Variants in SPOCK3 observed in about 807,000 individuals in gnomAD.
The protein encoded by SPOCK3 is testican-3.
A neutral mutation model predicts 56.6 loss-of-function variants in SPOCK3; 30 were observed. The ratio of observed to expected loss-of-function variants is 0.53; its 90% CI spans 0.40 to 0.72. The LOEUF is 0.72. SPOCK3 is among the 30% of genes least tolerant of loss of function. The pLI, the probability that SPOCK3 is intolerant of heterozygous loss-of-function variation, is 0.00. For synonymous variants in SPOCK3, 196 were observed against 183.3 expected (o/e 1.07, Z -0.56); for missense variants, 527 against 530.0 (o/e 0.99, Z 0.06).
At chr4:166,975,470 C>T (rs1228708884) in intron 4 of SPOCK3, among the ~76,000 whole-genome samples, 4 of 152,120 alleles carry the variant, frequency 2.6e-5, no homozygotes, top group Non-Finnish European at 5.9e-5. Context: ...AATAGGTTAT[C>T]CATCACTTCA....
chr4:167,002,882 A>G (rs972773107), intron 3 of SPOCK3, among the ~76,000 whole-genome samples: 2 of 152,200 alleles, frequency 1.3e-5, no homozygotes, highest in Non-Finnish European at 2.9e-5. Context: ...AAAATTCATT[A>G]AACAATTCTG....
chr4:166,831,771 T>TA (rs771665694), intron 6 of SPOCK3, among the ~76,000 whole-genome samples: 1 of 146,876 alleles, frequency 6.8e-6, no homozygotes, highest in African/African-American at 2.5e-5. Context: ...TTTTTTTTTT[T>TA]AAATTTCATT....
At chr4:166,931,335 GGT>G (rs954959547) in intron 4 of SPOCK3, among the ~76,000 whole-genome samples, 43 of 150,978 alleles carry the variant, frequency 2.8e-4, no homozygotes, top group Admixed American at 2.4e-3. Flanking sequence ...GTGTGTGGGG[GGT>G]GGGGGGGCAA....
At chr4:166,738,680 T>G (rs1281769933) in intron 9 of SPOCK3, among the ~76,000 whole-genome samples, 2 of 137,458 alleles carry the variant, frequency 1.5e-5, no homozygotes, top group African/African-American at 2.7e-5. Context: ...CCATGTGTTC[T>G]CATTGTTCAA....
chr4:166,881,043 T>C (rs1385675935), intron 6 of SPOCK3, among the ~76,000 whole-genome samples: 2 of 152,156 alleles, frequency 1.3e-5, no homozygotes, highest in Non-Finnish European at 2.9e-5. Context: ...CTAAATAATC[T>C]AATACTGAAA....
intron 2 of SPOCK3, among the ~76,000 whole-genome samples, chr4:167,215,079 A>G (rs2111057698): frequency 6.6e-6 from 1 of 152,126 alleles, no homozygotes; most frequent in Non-Finnish European, 1.5e-5. Flanking sequence ...AAATGCAAAA[A>G]TCAAAATTTA....
intron 4 of SPOCK3, among the ~76,000 whole-genome samples, chr4:166,929,150 C>CT (rs1368189124): frequency 1.2e-4 from 17 of 144,818 alleles, no homozygotes. Flanking sequence ...TTCAGTATTA[C>CT]TGTGAACCAA....
intron 4 of SPOCK3, among the ~76,000 whole-genome samples, chr4:166,995,753 C>T (rs2703843): frequency 0.86 from 130,651 of 151,998 alleles, 56,618 homozygotes; most frequent in East Asian, 0.95. Context: ...GTTTTGCATA[C>T]ATTAAGTGTG....
In SPOCK3 at chr4:167,199,225, T is replaced by TTGTGTG. The variant is rs58765976; in HGVS notation, c.189+34754_189+34759dup. Among the ~76,000 whole-genome samples the TTGTGTG allele has an allele frequency of 4.5e-3, 633 of 142,056 alleles. 4 individuals carry two copies. The highest frequency in any genetic ancestry group is 0.016 in the South Asian group (68 of 4,326). The allele number at this position is 142,056 out of a possible 152,430, so 93.2% of individuals were successfully genotyped here. Reference sequence around the variant, plus strand: ...GATCCTCAATATGCTAAATATTTGTTTGTGTGTGTGTGTGTGTGTGTGTGT... The same window carrying TTGTGTG: ...GATCCTCAATATGCTAAATATTTGTTTGTGTGTGTGTGTGTGTGTGTGTGTGTGTGT... On this transcript the variant is annotated intron_variant, in intron 2 of 10. Coordinates refer to ENST00000357545, the MANE Select transcript of SPOCK3 (RefSeq NM_001040159.2).
Position 166,743,650 on chromosome 4 carries a change from C to T in SPOCK3, c.932-1591G>A, listed in dbSNP as rs147058562. ...CCACAGAGTATGAGCCGAAGCAGGG[C>T]GGGACATCGCCTCACCTGGGAAGTG... On this transcript the variant is annotated intron_variant, in intron 8 of 10. Coordinates refer to ENST00000357545, the MANE Select transcript of SPOCK3 (RefSeq NM_001040159.2). Among the ~76,000 whole-genome samples the T allele has an allele frequency of 4.5e-3, 679 of 152,232 alleles. 4 individuals are homozygous for T. Among genetic ancestry groups the T allele is most frequent in the African/African-American group, 0.016 (644 of 41,548 alleles).
At chr4:167,190,691 A>G (rs978738661) in intron 2 of SPOCK3, among the ~76,000 whole-genome samples, 2 of 145,852 alleles carry the variant, frequency 1.4e-5, no homozygotes, top group African/African-American at 5.2e-5. Flanking sequence ...TTGCCAAAAC[A>G]AATGTCAAGG....
At chr4:166,935,017 G>C (rs1041049364) in intron 4 of SPOCK3, among the ~76,000 whole-genome samples, 3 of 152,160 alleles carry the variant, frequency 2.0e-5, no homozygotes, top group African/African-American at 7.2e-5. Flanking sequence ...AAGTCGGCTT[G>C]ACCTGTTAGA....
At chr4:167,210,291 C>T (rs1397746220) in intron 2 of SPOCK3, among the ~76,000 whole-genome samples, 2 of 152,112 alleles carry the variant, frequency 1.3e-5, no homozygotes, top group Non-Finnish European at 2.9e-5. Context: ...CATCAAAACA[C>T]AGATTGAGTG....
intron 7 of SPOCK3, among the ~76,000 whole-genome samples, chr4:166,787,033 T>G (rs1340169682): frequency 6.6e-6 from 1 of 152,194 alleles, no homozygotes; most frequent in African/African-American, 2.4e-5. Context: ...ATTCATTAAC[T>G]TTCCACTTGT....
At chr4:166,753,268 C>T (rs750245406) in intron 8 of SPOCK3, among the ~76,000 whole-genome samples, 6 of 151,898 alleles carry the variant, frequency 4.0e-5, no homozygotes, top group Non-Finnish European at 8.8e-5. Flanking sequence ...ATTTTTCTGG[C>T]AGTTTAGCTG....
intron 2 of SPOCK3, among the ~76,000 whole-genome samples, chr4:167,099,141 C>G (rs1759417470): frequency 1.3e-5 from 2 of 151,656 alleles, no homozygotes; most frequent in African/African-American, 4.8e-5. Context: ...CGAGATTTTT[C>G]CCATTCATTT....
chr4:167,094,291 C>T (rs556406526), intron 2 of SPOCK3, among the ~76,000 whole-genome samples: 2 of 151,974 alleles, frequency 1.3e-5, no homozygotes, highest in Non-Finnish European at 1.5e-5. Context: ...TTATTTTCTT[C>T]CTGCTCACTG....
intron 2 of SPOCK3, among the ~76,000 whole-genome samples, chr4:167,219,294 G>A (rs1040660361): frequency 2.4e-4 from 36 of 152,236 alleles, no homozygotes; most frequent in Middle Eastern, 3.4e-3. Flanking sequence ...TTCTAAAACC[G>A]ATTCTCAGCA....
At chr4:166,746,558 C>G (rs10003375) in intron 8 of SPOCK3, among the ~76,000 whole-genome samples, 1 of 152,214 alleles carries the variant, frequency 6.6e-6, no homozygotes, top group Admixed American at 6.5e-5. Context: ...GACACCCTAA[C>G]ATCACAATTA....
Sources: gnomAD v4.1 joint callset for allele counts (sites outside exome capture counted in the v4.1 genomes callset) on GRCh38, gnomAD v4.1.1 for gene constraint, MANE v1.5 for transcripts, NCBI Gene and HGNC (gene_info 2026-07-23, HGNC 2026-07-21) for gene names.